Variants in NF1 observed in about 807,000 individuals in gnomAD.
The protein encoded by NF1 is neurofibromin 1, also known as neurofibromin.
Under a neutral mutation model 325.7 loss-of-function variants are expected in NF1, and 122 were observed. That is an observed-to-expected ratio of 0.37 (90% CI 0.32 to 0.44). NF1 has a LOEUF of 0.44. Among genes scored for constraint, NF1 ranks in the 20% least tolerant of loss-of-function variants. NF1 has a pLI of 1.00. For synonymous variants in NF1, 1,091 were observed against 1,186.0 expected (o/e 0.92, Z 1.65); for missense variants, 2,140 against 3,415.4 (o/e 0.63, Z 9.31).
chr17:31,205,203 A>C (rs180672699), intron 11 of NF1, among the ~76,000 whole-genome samples: 5 of 152,304 alleles, frequency 3.3e-5, no homozygotes, highest in Admixed American at 6.5e-5. Flanking sequence ...CAAGTGAAGA[A>C]ATTAAAATGT....
intron 30 of NF1, 109 bp downstream of exon 30, chr17:31,249,228 G>C: frequency 1.6e-6 from 2 of 1,254,488 alleles, no homozygotes; most frequent in Admixed American, 1.7e-5. Flanking sequence ...CTATAATACT[G>C]AGTCAGTTTG....
At chr17:31,363,583 C>T (rs571571661) in intron 57 of NF1, among the ~76,000 whole-genome samples, 1 of 151,300 alleles carries the variant, frequency 6.6e-6, no homozygotes, top group Non-Finnish European at 1.5e-5. Context: ...ACTACAGGCG[C>T]CCACCACCAC....
chr17:31,354,634 A>G (rs1463969171), intron 51 of NF1, among the ~76,000 whole-genome samples: 1 of 152,204 alleles, frequency 6.6e-6, no homozygotes, highest in African/African-American at 2.4e-5. Context: ...AATAAAATTG[A>G]TATAGCAGTC....
chr17:31,334,886 C>G lies in NF1; in HGVS notation c.5861C>G (p.Ser1954Ter), dbSNP rs2069602711. 1 of 1,613,836 alleles carries G rather than the reference C, an allele frequency of 6.2e-7. No individual in the cohort carries two copies. Among genetic ancestry groups the G allele is most frequent in the Non-Finnish European group, 8.5e-7 (1 of 1,179,960 alleles). Reference protein sequence around the residue: ...LCLEYMTPWLSNLVRFCKHND... With the variant: ...LCLEYMTPWL ...TTGGAATACATGACTCCATGGCTGT[C>G]AAATCTAGTTCGTTTTTGCAAGCAT... Residue 1954 changes from serine (S) to a stop codon, truncating the protein, a stop_gained, in exon 40 of 58, where the codon TCA becomes TGA. Coordinates refer to ENST00000358273, the MANE Select transcript of NF1 (RefSeq NM_001042492.3). LOFTEE classifies it high-confidence loss of function.
chr17:31,183,595 A>T (rs1269816436), intron 8 of NF1: 2 of 152,258 alleles, frequency 1.3e-5, no homozygotes, highest in East Asian at 3.8e-4. Flanking sequence ...TTTGATGATA[A>T]ATACTGAGTG....
At chr17:31,346,202 G>A (rs2069980021) in intron 48 of NF1, 2 of 1,610,754 alleles carry the variant, frequency 1.2e-6, no homozygotes, top group Non-Finnish European at 1.7e-6. Flanking sequence ...CCTGCCCAAT[G>A]GAAGAACCAG....
Position 31,334,204 on chromosome 17 carries a change from GTGTGAACC to G in NF1, c.5813-625_5813-618del, listed in dbSNP as rs17882240. Among the ~76,000 whole-genome samples, 74,906 of 151,030 alleles carry G rather than the reference GTGTGAACC, an allele frequency of 0.5. 20,360 individuals carry two copies. Among genetic ancestry groups the G allele is most frequent in the Non-Finnish European group, 0.62 (41,791 of 67,500 alleles). On this transcript the variant is annotated intron_variant, in intron 39 of 57. Coordinates refer to ENST00000358273, the MANE Select transcript of NF1 (RefSeq NM_001042492.3). ...CTCGGGAGGCTGAGGCAGGAGAATG[GTGTGAACC>G]TGTGAACCCGGGAGGCGGAACTTGC...
chr17:31,263,905 C>T (rs17881376), intron 35 of NF1, among the ~76,000 whole-genome samples: 8,333 of 152,070 alleles, frequency 0.055, 736 homozygotes, highest in African/African-American at 0.19. Flanking sequence ...CTTCACTTAA[C>T]GTTTGGTGAA....
At chr17:31,367,649 C>T (rs952904035) in intron 57 of NF1, among the ~76,000 whole-genome samples, 1 of 152,096 alleles carries the variant, frequency 6.6e-6, no homozygotes, top group African/African-American at 2.4e-5. Flanking sequence ...AATAGAAAGC[C>T]AACCCCAGTG....
intron 7 of NF1, among the ~76,000 whole-genome samples, chr17:31,182,160 A>G (rs1289295796): frequency 6.6e-6 from 1 of 152,226 alleles, no homozygotes; most frequent in Non-Finnish European, 1.5e-5. Flanking sequence ...GGCAGAGAAT[A>G]CAGACTCCTG....
Position 31,261,833 on chromosome 17 carries a change from C to T in NF1, c.4700C>T (p.Ser1567Leu), listed in dbSNP as rs1555619051. Residue 1567 changes from serine to leucine, a missense_variant, in exon 35 of 58, where the codon TCA (serine) becomes TTA (leucine). Transcript: ENST00000358273. ...THWSSLNLTS[S>L]KFEEFMTRHQ... ...TGGTCCAGCCTTAACCTTACCAGTT[C>T]AAAGTTTGAGGAATTTATGACTAGG... 1 of 1,612,964 alleles carries T rather than the reference C, an allele frequency of 6.2e-7. No homozygotes were observed. The highest frequency in any genetic ancestry group is 8.5e-7 in the Non-Finnish European group (1 of 1,179,944).
chr17:31,100,424 CTT>C (rs1438450512), intron 1 of NF1, among the ~76,000 whole-genome samples: 9 of 152,214 alleles, frequency 5.9e-5, no homozygotes, highest in African/African-American at 1.2e-4. Flanking sequence ...AATGAGTACT[CTT>C]TTATGGTGAC....
At chr17:31,170,062 A>G in intron 5 of NF1, 65 bp downstream of exon 5, 2 of 998,496 alleles carry the variant, frequency 2.0e-6, no homozygotes, top group Non-Finnish European at 1.6e-6. Context: ...TCATGAATGT[A>G]CTAATTATAT....
chr17:31,283,839 G>T (rs909185998), intron 36 of NF1, among the ~76,000 whole-genome samples: 3 of 152,142 alleles, frequency 2.0e-5, no homozygotes, highest in Admixed American at 2.0e-4. Flanking sequence ...GAAGGAAAAA[G>T]ACTTTATTTA....
At chr17:31,193,618 G>A (rs1238179490) in intron 8 of NF1, among the ~76,000 whole-genome samples, 1 of 152,098 alleles carries the variant, frequency 6.6e-6, no homozygotes, top group African/African-American at 2.4e-5. Flanking sequence ...TATGTATCCA[G>A]CAGAGGATTA....
At chr17:31,345,662 C>T (rs2069957033) in intron 48 of NF1, 2 of 1,614,222 alleles carry the variant, frequency 1.2e-6, no homozygotes, top group South Asian at 1.1e-5. Flanking sequence ...AGGCCAGCAC[C>T]GAAGTTGGTG....
At position 31,368,457 on chromosome 17, in the gene NF1, A is replaced by G. The variant is rs118111897; in HGVS notation, c.8378-5556A>G. Among the ~76,000 whole-genome samples, 33 of 152,274 alleles carry G rather than the reference A, an allele frequency of 2.2e-4. 1 individual carries two copies. The East Asian group carries it at 6.2e-3, about 28-fold the overall frequency. ...CCAAGCCAAAAATTCTTATAGTTAC[A>G]ATTTTTTATATTTAGCTCAAAATAA... On this transcript the variant is annotated intron_variant, in intron 57 of 57. Coordinates refer to ENST00000358273, the MANE Select transcript of NF1 (RefSeq NM_001042492.3).
At chr17:31,209,122 C>G (rs1188025191) in intron 12 of NF1, among the ~76,000 whole-genome samples, 1 of 151,794 alleles carries the variant, frequency 6.6e-6, no homozygotes, top group Non-Finnish European at 1.5e-5. Context: ...ATTCCCTTTA[C>G]CCCCCAGCCC....
chr17:31,356,779 C>G, intron 52 of NF1, 181 bp from the exon 53 acceptor site: 1 of 1,124,076 alleles, frequency 8.9e-7, no homozygotes, highest in Non-Finnish European at 1.3e-6. Flanking sequence ...ATATTATATA[C>G]AGCATTGTAA....
Sources: gnomAD v4.1 joint callset for allele counts (sites outside exome capture counted in the v4.1 genomes callset) on GRCh38, gnomAD v4.1.1 for gene constraint, MANE v1.5 for transcripts, NCBI Gene and HGNC (gene_info 2026-07-23, HGNC 2026-07-21) for gene names.